Variants in ABCA13 observed in about 807,000 individuals in gnomAD.
ABCA13 encodes the protein ATP-binding cassette sub-family A member 13.
Under a neutral mutation model 478.7 loss-of-function variants are expected in ABCA13, and 476 were observed. That is an observed-to-expected ratio of 0.99 (90% CI 0.92 to 1.07). The LOEUF (loss-of-function observed/expected upper bound fraction) is 1.07. ABCA13 is among the 50% of genes least tolerant of loss of function. The pLI is 0.00. For synonymous variants in ABCA13, 2,252 were observed against 2,158.9 expected (o/e 1.04, Z -1.20); for missense variants, 6,060 against 5,910.6 (o/e 1.03, Z -0.83).
rs1460314690 is a variant in ABCA13, at chr7:48,644,705, C to A, written c.15032C>A (p.Thr5011Asn). 6 of 1,604,838 alleles carry A rather than the reference C, an allele frequency of 3.7e-6. No individual in the cohort carries two copies. The highest frequency in any genetic ancestry group is 5.1e-6 in the Non-Finnish European group (6 of 1,176,956). Residue 5011 changes from threonine to asparagine, a missense_variant, in exon 61 of 62, where the codon ACC (threonine) becomes AAC (asparagine). Transcript: ENST00000435803. ...DLFKVIENNKTFLNIKHYSIN... is the reference protein window; with the variant it reads ...DLFKVIENNKNFLNIKHYSIN... ...TTCAAAGTTATAGAGAACAATAAAA[C>A]CTTCTTGAATATTAAGCATTATTCC...
intron 42 of ABCA13, among the ~76,000 whole-genome samples, chr7:48,434,436 AT>A (rs955294530): frequency 6.6e-6 from 1 of 151,586 alleles, no homozygotes; most frequent in Admixed American, 6.6e-5. Context: ...ATAATCTGCA[AT>A]TTTTTTCTCT....
At chr7:48,605,281 C>A (rs954719206) in intron 58 of ABCA13, among the ~76,000 whole-genome samples, 3 of 152,124 alleles carry the variant, frequency 2.0e-5, no homozygotes, top group African/African-American at 4.8e-5. Context: ...ATGATGCTAG[C>A]TGGTTATTTT....
chr7:48,559,230 G>A (rs1485657447), intron 55 of ABCA13, among the ~76,000 whole-genome samples: 1 of 152,132 alleles, frequency 6.6e-6, no homozygotes, highest in Non-Finnish European at 1.5e-5. Flanking sequence ...GGCTAAGCTG[G>A]CTGTCAAACC....
At position 48,441,925 on chromosome 7, in the gene ABCA13, G is replaced by A. The variant is rs76403808; in HGVS notation, c.12566-13112G>A. Among the ~76,000 whole-genome samples, 728 of 152,302 alleles carry A rather than the reference G, an allele frequency of 4.8e-3. 6 individuals are homozygous for A. Among genetic ancestry groups the A allele is most frequent in the African/African-American group, 0.017 (704 of 41,548 alleles). On this transcript the variant is annotated intron_variant, in intron 42 of 61. Coordinates refer to ENST00000435803, the MANE Select transcript of ABCA13 (RefSeq NM_152701.5). ...CTGTGCGATGAGTAACAACAAATTA[G>A]CATGGTGAAACCTACAAAAGAACTG...
At chr7:48,544,474 T>C (rs4296993) in intron 55 of ABCA13, among the ~76,000 whole-genome samples, 3 of 151,406 alleles carry the variant, frequency 2.0e-5, no homozygotes, top group Non-Finnish European at 4.4e-5. Flanking sequence ...AAGGTTAAGT[T>C]GATCACAAAT....
At chr7:48,625,604 A>T (rs746448750) in intron 59 of ABCA13, among the ~76,000 whole-genome samples, 1 of 152,128 alleles carries the variant, frequency 6.6e-6, no homozygotes, top group Non-Finnish European at 1.5e-5. Context: ...TTGTCACAAC[A>T]TCATGTTGTA....
intron 42 of ABCA13, among the ~76,000 whole-genome samples, chr7:48,439,686 T>C (rs1823319799): frequency 6.6e-6 from 1 of 152,176 alleles, no homozygotes; most frequent in African/African-American, 2.4e-5. Context: ...ACTAAAGTGA[T>C]AGAATTACCC....
intron 59 of ABCA13, among the ~76,000 whole-genome samples, chr7:48,628,192 T>C (rs1201804998): frequency 2.6e-5 from 4 of 152,186 alleles, no homozygotes; most frequent in African/African-American, 9.7e-5. Flanking sequence ...CCAGCATCGA[T>C]TGTAATTATT....
chr7:48,386,352 C>G (rs1392305458), intron 35 of ABCA13, among the ~76,000 whole-genome samples: 2 of 152,192 alleles, frequency 1.3e-5, no homozygotes, highest in African/African-American at 4.8e-5. Context: ...CATTAAACTA[C>G]CATTGATATT....
At chr7:48,556,981 C>T (rs182863686) in intron 55 of ABCA13, among the ~76,000 whole-genome samples, 27 of 151,838 alleles carry the variant, frequency 1.8e-4, no homozygotes, top group South Asian at 8.3e-4. Context: ...TTTGAGTTAC[C>T]GTGAAGCTTG....
chr7:48,183,609 G>T (rs575647124), intron 1 of ABCA13, among the ~76,000 whole-genome samples: 8 of 152,140 alleles, frequency 5.3e-5, no homozygotes, highest in Non-Finnish European at 8.8e-5. Flanking sequence ...GATTGTGTAC[G>T]GCTCTGCTTC....
chr7:48,368,720 T>TAC (rs1299881870), intron 32 of ABCA13, among the ~76,000 whole-genome samples: 9 of 126,886 alleles, frequency 7.1e-5, no homozygotes, highest in Non-Finnish European at 1.0e-4. Flanking sequence ...TATATACACA[T>TAC]ACACACACAC....
intron 42 of ABCA13, among the ~76,000 whole-genome samples, chr7:48,431,935 G>A (rs13239031): frequency 0.033 from 5,037 of 152,248 alleles, 132 homozygotes; most frequent in South Asian, 0.13. Flanking sequence ...ATGGCAGAGG[G>A]GACCACACCA....
chr7:48,202,541 C>A (rs1275864667), intron 3 of ABCA13, among the ~76,000 whole-genome samples: 1 of 151,854 alleles, frequency 6.6e-6, no homozygotes, highest in Non-Finnish European at 1.5e-5. Context: ...GTTGCACTCA[C>A]AAACCTTGAG....
At chr7:48,473,224 A>T (rs959095118) in intron 45 of ABCA13, among the ~76,000 whole-genome samples, 7 of 152,174 alleles carry the variant, frequency 4.6e-5, no homozygotes, top group African/African-American at 1.7e-4. Context: ...ATAGAGTCAA[A>T]CAATATTACC....
intron 1 of ABCA13, among the ~76,000 whole-genome samples, chr7:48,181,823 T>C (rs1562716139): frequency 6.6e-6 from 1 of 152,228 alleles, no homozygotes; most frequent in African/African-American, 2.4e-5. Flanking sequence ...AAATTTTTGT[T>C]TTTAAAAACA....
chr7:48,338,412 G>A lies in ABCA13; in HGVS notation c.10161G>A (p.Leu3387=), dbSNP rs752090579. Residue 3387 remains leucine, a synonymous_variant, in exon 29 of 62, where the codon TTG becomes TTA. Transcript: ENST00000435803. Reference sequence around the variant, plus strand: ...TAAGAAACTTTGTAGAAAACCAGTTGCACATTGATGTAGACAAACTTACTG... The same window carrying A: ...TAAGAAACTTTGTAGAAAACCAGTTACACATTGATGTAGACAAACTTACTG... The part of the protein sequence containing the change: ...KFVRNFVENQ[L]HIDVDKLTEK... 1 of 1,603,078 alleles carries A rather than the reference G, an allele frequency of 6.2e-7. No homozygotes were observed. Among genetic ancestry groups the A allele is most frequent in the Non-Finnish European group, 8.5e-7 (1 of 1,174,304 alleles).
chr7:48,361,366 C>T (rs891472185), intron 31 of ABCA13, among the ~76,000 whole-genome samples: 1 of 151,584 alleles, frequency 6.6e-6, no homozygotes, highest in Non-Finnish European at 1.5e-5. Context: ...CTCCTTCATT[C>T]CTCTCTCGGT....
At chr7:48,181,269 C>A (rs186246727) in intron 1 of ABCA13, among the ~76,000 whole-genome samples, 8 of 152,280 alleles carry the variant, frequency 5.3e-5, no homozygotes, top group Admixed American at 4.6e-4. Flanking sequence ...CCATCAAATT[C>A]TTTCCAATTG....
Sources: gnomAD v4.1 joint callset for allele counts (sites outside exome capture counted in the v4.1 genomes callset) on GRCh38, gnomAD v4.1.1 for gene constraint, MANE v1.5 for transcripts, NCBI Gene and HGNC (gene_info 2026-07-23, HGNC 2026-07-21) for gene names.